AS3MT: variants seen among roughly 807,000 people sequenced by gnomAD.
The protein encoded by AS3MT is S-adenosyl-L-methionine:arsenic(III) methyltransferase.
A neutral mutation model predicts 45.3 loss-of-function variants in AS3MT; 47 were observed. The ratio of observed to expected loss-of-function variants is 1.04; its 90% confidence interval spans 0.82 to 1.32. The LOEUF is 1.32. Ranked by LOEUF, AS3MT falls within the 40% of genes most tolerant of loss-of-function variation. AS3MT has a pLI of 0.00. For synonymous variants in AS3MT, 141 were observed against 152.8 expected (o/e 0.92, Z 0.57); for missense variants, 396 against 451.1 (o/e 0.88, Z 1.11).
chr10:102,869,554 GAC>G lies in AS3MT; in HGVS notation c.-37_-36del, dbSNP rs1844637140. On this transcript the variant is annotated 5_prime_UTR_variant, in exon 1 of 11. Transcript: ENST00000369880. ...CGCGCCCTGAGTCGCAGGCCGAGGA[GAC>G]AGTGAGTGCGCGCCCTGAGTCGCAG... 1 of 1,525,956 alleles carries G rather than the reference GAC, an allele frequency of 6.6e-7. No homozygotes were observed. The highest frequency in any genetic ancestry group is 1.4e-5 in the African/African-American group (1 of 73,208). The allele number at this position is 1,525,956 out of a possible 1,614,324, so 94.5% of individuals were successfully genotyped here.
At chr10:102,873,299 G>A in intron 5 of AS3MT, 66 bp downstream of exon 5, 1 of 1,164,654 alleles carries the variant, frequency 8.6e-7, no homozygotes. Flanking sequence ...TATTATTATT[G>A]AGATGGACTC....
chr10:102,887,433 C>A (rs1164107459), intron 9 of AS3MT, among the ~76,000 whole-genome samples: 1 of 152,144 alleles, frequency 6.6e-6, no homozygotes, highest in East Asian at 1.9e-4. Context: ...GAGTCCCCTA[C>A]TACTATTGCA....
intron 9 of AS3MT, chr10:102,888,287 CA>C (rs1220346345): frequency 6.6e-6 from 1 of 152,122 alleles, no homozygotes; most frequent in Non-Finnish European, 1.5e-5. Context: ...AAAGACTTAA[CA>C]TTTTTTTAAA....
At chr10:102,897,271 C>T (rs1394822849) in intron 10 of AS3MT, among the ~76,000 whole-genome samples, 1 of 151,252 alleles carries the variant, frequency 6.6e-6, no homozygotes, top group African/African-American at 2.4e-5. Context: ...GTAGTCCCAG[C>T]TACTCGGGAG....
chr10:102,893,579 T>G (rs1845112355), intron 10 of AS3MT, among the ~76,000 whole-genome samples: 1 of 149,326 alleles, frequency 6.7e-6, no homozygotes. Context: ...CACTGCAACC[T>G]CTGCCTCCCA....
At position 102,885,373 on chromosome 10, in the gene AS3MT, G is replaced by GA. The variant is rs1844932334; in HGVS notation, c.886-5171_886-5170insA. Among the ~76,000 whole-genome samples, 3 of 151,798 alleles carry GA rather than the reference G, an allele frequency of 2.0e-5. No individual in the cohort carries two copies. The South Asian group carries it at 6.3e-4, about 32-fold the overall frequency. ...AGACAGAGTCTTACTCTGTCTCCCA[G>GA]GTTGGAGTGCAGTGGCGTGATCTTG... On this transcript the variant is annotated intron_variant, in intron 9 of 10. Coordinates refer to ENST00000369880, the MANE Select transcript of AS3MT (RefSeq NM_020682.4).
chr10:102,872,968 C>G, intron 4 of AS3MT, 129 bp from the exon 5 acceptor site: 1 of 798,662 alleles, frequency 1.3e-6, no homozygotes, highest in Non-Finnish European at 1.9e-6. Flanking sequence ...CCTACGTGTC[C>G]ACAGGAATCT....
At chr10:102,871,546 CAAAAAAAAAA>C (rs748797211) in intron 3 of AS3MT, among the ~76,000 whole-genome samples, 30 of 23,282 alleles carry the variant, frequency 1.3e-3, no homozygotes, top group South Asian at 9.0e-3. Flanking sequence ...GACTCCGTCT[CAAAAAAAAAA>C]AAAAAAAAAA....
intron 9 of AS3MT, among the ~76,000 whole-genome samples, chr10:102,886,789 G>A (rs1844965864): frequency 6.6e-6 from 1 of 151,944 alleles, no homozygotes; most frequent in Non-Finnish European, 1.5e-5. Context: ...GCTGATTTTT[G>A]TATTTTCTGT....
chr10:102,886,396 C>T (rs976038608), intron 9 of AS3MT, among the ~76,000 whole-genome samples: 9 of 150,272 alleles, frequency 6.0e-5, no homozygotes, highest in African/African-American at 2.2e-4. Context: ...GCGATCTCAG[C>T]TCACTGCAAC....
At chr10:102,870,059 A>T in intron 2 of AS3MT, 25 bp from the exon 3 acceptor site, 1 of 1,611,574 alleles carries the variant, frequency 6.2e-7, no homozygotes, top group Non-Finnish European at 8.5e-7. Context: ...TCTACCCCTC[A>T]CTCCACTGTG....
At chr10:102,892,098 C>A (rs920675201) in intron 10 of AS3MT, among the ~76,000 whole-genome samples, 3 of 152,014 alleles carry the variant, frequency 2.0e-5, no homozygotes, top group East Asian at 3.9e-4. Flanking sequence ...GCTACAATAA[C>A]CCTCTAAAGA....
In AS3MT at chr10:102,890,294, G is replaced by A. The variant is rs192512955; in HGVS notation, c.886-250G>A. Reference sequence around the variant, plus strand: ...TGGGATTACAGGTGTGAGCCACCGCGCCTGGCCCATTTTCTTTAGATATAT... The same window carrying A: ...TGGGATTACAGGTGTGAGCCACCGCACCTGGCCCATTTTCTTTAGATATAT... On this transcript the variant is annotated intron_variant, in intron 9 of 10. Coordinates refer to ENST00000369880, the MANE Select transcript of AS3MT (RefSeq NM_020682.4). Among the ~76,000 whole-genome samples, 206 of 152,154 alleles carry A rather than the reference G, an allele frequency of 1.4e-3. 4 individuals are homozygous for A. The East Asian group carries it at 0.026, about 19-fold the overall frequency.
At chr10:102,887,579 C>T (rs1844978711) in intron 9 of AS3MT, among the ~76,000 whole-genome samples, 1 of 152,172 alleles carries the variant, frequency 6.6e-6, no homozygotes, top group Non-Finnish European at 1.5e-5. Context: ...TTCTTTGCCT[C>T]TTTGACAGCC....
intron 5 of AS3MT, 124 bp downstream of exon 5, chr10:102,873,357 G>A (rs7904113): frequency 2.2e-5 from 15 of 691,672 alleles, no homozygotes; most frequent in African/African-American, 9.3e-5. Context: ...GTCAGCTCAC[G>A]ATAACCTCTG....
intron 10 of AS3MT, among the ~76,000 whole-genome samples, chr10:102,894,128 C>A (rs953110247): frequency 6.6e-6 from 1 of 151,406 alleles, no homozygotes; most frequent in African/African-American, 2.4e-5. Flanking sequence ...GAAAGTAAAT[C>A]AAAAATAAAA....
chr10:102,891,931 AGAGT>A (rs1845076111), intron 10 of AS3MT, among the ~76,000 whole-genome samples: 1 of 137,700 alleles, frequency 7.3e-6, no homozygotes, highest in Non-Finnish European at 1.5e-5. Context: ...CCTGGGCAAC[AGAGT>A]GAGACTCTGT....
intron 4 of AS3MT, among the ~76,000 whole-genome samples, 173 bp downstream of exon 4, chr10:102,872,771 G>C (rs1844714339): frequency 6.6e-6 from 1 of 152,204 alleles, no homozygotes; most frequent in Non-Finnish European, 1.5e-5. Context: ...TGAACAATTA[G>C]GGGTTCTTCT....
chr10:102,889,614 GCCTTCCTTCCTTCCTTCCTT>G (rs1554884643), intron 9 of AS3MT, among the ~76,000 whole-genome samples: 1 of 113,954 alleles, frequency 8.8e-6, no homozygotes, highest in Non-Finnish European at 1.8e-5. Flanking sequence ...CTGTCTGCCT[GCCTTCCTTCCTTCCTTCCTT>G]CCTTCCTTCC....
Sources: allele counts gnomAD v4.1 joint callset (sites outside exome capture counted in the v4.1 genomes callset), GRCh38; gene constraint gnomAD v4.1.1; transcripts MANE v1.5; gene names NCBI Gene and HGNC (gene_info 2026-07-23, HGNC 2026-07-21).